Variants in GRK3 observed in about 807,000 individuals in gnomAD.
GRK3 encodes adrenergic, beta, receptor kinase 2.
GRK3 carries 54 observed loss-of-function variants against 95.7 expected under a neutral mutation model. The observed-to-expected ratio is 0.56, with a 90% CI of 0.45 to 0.71. The LOEUF is 0.71. Among genes scored for constraint, GRK3 ranks in the 30% least tolerant of loss-of-function variants. The pLI, the probability that GRK3 is intolerant of heterozygous loss-of-function variation, is 0.00. For synonymous variants in GRK3, 281 were observed against 290.8 expected, an observed-to-expected ratio of 0.97 and a Z score of 0.34; for missense variants, 649 against 851.2, an observed-to-expected ratio of 0.76 and a Z score of 2.96.
intron 3 of GRK3, among the ~76,000 whole-genome samples, chr22:25,657,222 TATG>T (rs1181436129): frequency 5.3e-5 from 8 of 152,234 alleles, no homozygotes; most frequent in African/African-American, 1.9e-4. Flanking sequence ...AGGTAGTTGA[TATG>T]ATACCTTCTA....
chr22:25,686,049 G>A (rs549983580), intron 10 of GRK3, among the ~76,000 whole-genome samples: 18 of 151,594 alleles, frequency 1.2e-4, no homozygotes, highest in African/African-American at 4.1e-4. Context: ...GTGAAACCCC[G>A]TCCCTACTAA....
intron 1 of GRK3, among the ~76,000 whole-genome samples, chr22:25,569,266 A>G (rs1931600585): frequency 6.6e-6 from 1 of 152,206 alleles, no homozygotes; most frequent in Non-Finnish European, 1.5e-5. Context: ...TTAAGGTACA[A>G]ATTCAAAATG....
intron 7 of GRK3, among the ~76,000 whole-genome samples, chr22:25,673,155 G>A (rs904176551): frequency 8.1e-5 from 12 of 148,544 alleles, no homozygotes; most frequent in Admixed American, 4.1e-4. Flanking sequence ...TCCGCCTCCC[G>A]GGTTCACACC....
intron 13 of GRK3, among the ~76,000 whole-genome samples, chr22:25,699,242 G>A (rs1347098633): frequency 6.6e-6 from 1 of 152,122 alleles, no homozygotes; most frequent in Non-Finnish European, 1.5e-5. Flanking sequence ...TTCCTGTGTT[G>A]TATAGAAGGG....
At chr22:25,623,753 G>A (rs1569168277) in intron 2 of GRK3, among the ~76,000 whole-genome samples, 1 of 152,050 alleles carries the variant, frequency 6.6e-6, no homozygotes, top group Non-Finnish European at 1.5e-5. Flanking sequence ...CTGAAGCCTC[G>A]CTGATGCCTT....
chr22:25,647,101 T>C (rs967345191), intron 3 of GRK3, among the ~76,000 whole-genome samples: 3 of 148,452 alleles, frequency 2.0e-5, no homozygotes, highest in African/African-American at 5.0e-5. Flanking sequence ...ATTGCCAGCC[T>C]AGAATTCTAT....
At chr22:25,635,473 G>A (rs938027397) in intron 2 of GRK3, among the ~76,000 whole-genome samples, 2 of 152,132 alleles carry the variant, frequency 1.3e-5, no homozygotes, top group Admixed American at 6.5e-5. Context: ...TCCCCAAAAT[G>A]TTCTTTTTTG....
intron 3 of GRK3, among the ~76,000 whole-genome samples, chr22:25,653,392 A>G (rs1177141876): frequency 1.3e-5 from 2 of 152,262 alleles, no homozygotes; most frequent in African/African-American, 4.8e-5. Context: ...CAGGCAAACT[A>G]TGCAATAATG....
At chr22:25,637,585 T>C (rs963260633) in intron 2 of GRK3, among the ~76,000 whole-genome samples, 1 of 152,222 alleles carries the variant, frequency 6.6e-6, no homozygotes, top group Non-Finnish European at 1.5e-5. Flanking sequence ...TAAGTTTTCA[T>C]TGGATAAGTA....
rs1238923032 is a variant in GRK3 at position 25,649,280 on chromosome 22, G to A, written c.264+4615G>A. The A allele has an allele frequency of 3.3e-6, 3 of 916,194 alleles. No homozygotes were observed. In the East Asian group the frequency reaches 7.2e-5, roughly 22 times the overall value. 56.8% of individuals were successfully genotyped at this position (916,194 alleles called of 1,614,324 possible). On this transcript the variant is annotated intron_variant, in intron 3 of 20. Transcript: ENST00000324198. ...ATGCTCACATCTGCCAAAATGTGAA[G>A]AACCTGTATAGAATTTCTACAGGGA...
At chr22:25,692,815 CTT>C (rs1218229576) in intron 12 of GRK3, among the ~76,000 whole-genome samples, 2 of 152,232 alleles carry the variant, frequency 1.3e-5, no homozygotes, top group Non-Finnish European at 2.9e-5. Context: ...AGCCTGTACT[CTT>C]TACGCTGTGT....
At chr22:25,565,496 C>T (rs1421908311) in intron 1 of GRK3, among the ~76,000 whole-genome samples, 1 of 152,268 alleles carries the variant, frequency 6.6e-6, no homozygotes, top group East Asian at 1.9e-4. Flanking sequence ...GTCCCATCCC[C>T]GTGGTTCTTC....
chr22:25,704,367 C>T (rs117148785), intron 15 of GRK3, among the ~76,000 whole-genome samples, 158 bp downstream of exon 15: 1 of 152,152 alleles, frequency 6.6e-6, no homozygotes, highest in East Asian at 1.9e-4. Context: ...AAATATTGTC[C>T]TATGTGTTTT....
rs1382328522 is a variant in GRK3 at position 25,727,368 on chromosome 22, G to A, written c.*4918G>A. 1 of 152,014 alleles carries A rather than the reference G, an allele frequency of 6.6e-6. No homozygotes were observed. Among genetic ancestry groups the A allele is most frequent in the East Asian group, 1.9e-4 (1 of 5,192 alleles). The allele number at this position is 152,014 out of a possible 1,614,324, so 9.4% of individuals were successfully genotyped here. On this transcript the variant is annotated 3_prime_UTR_variant, in exon 21 of 21. Coordinates refer to ENST00000324198, the MANE Select transcript of GRK3 (RefSeq NM_005160.4). Reference sequence around the variant, plus strand: ...AAATGGTACTCCTTGGCTTCCTCAAGTCACAATGAACTTTATATTTTCTTT... The same window carrying A: ...AAATGGTACTCCTTGGCTTCCTCAAATCACAATGAACTTTATATTTTCTTT...
intron 15 of GRK3, among the ~76,000 whole-genome samples, chr22:25,707,354 TC>T (rs2085307929): frequency 6.6e-6 from 1 of 152,230 alleles, no homozygotes; most frequent in African/African-American, 2.4e-5. Context: ...CCGAAGTGTT[TC>T]CAGTAAAAAT....
chr22:25,614,010 A>G (rs1051940854), intron 2 of GRK3, among the ~76,000 whole-genome samples: 1 of 152,190 alleles, frequency 6.6e-6, no homozygotes, highest in Non-Finnish European at 1.5e-5. Context: ...CCCACCCAAA[A>G]AAAAATTCAG....
chr22:25,628,861 T>A (rs544287027), intron 2 of GRK3, among the ~76,000 whole-genome samples: 1 of 152,206 alleles, frequency 6.6e-6, no homozygotes, highest in African/African-American at 2.4e-5. Flanking sequence ...GGGAGTCCCT[T>A]GCAGAGAGCT....
chr22:25,565,968 G>C (rs1287421896), intron 1 of GRK3, among the ~76,000 whole-genome samples: 1 of 152,084 alleles, frequency 6.6e-6, no homozygotes, highest in Non-Finnish European at 1.5e-5. Context: ...CGAGGGGCTC[G>C]GTGAGGTGCA....
At chr22:25,706,167 G>A (rs1474826110) in intron 15 of GRK3, among the ~76,000 whole-genome samples, 3 of 152,144 alleles carry the variant, frequency 2.0e-5, no homozygotes, top group East Asian at 1.9e-4. Flanking sequence ...CAACCCTTTC[G>A]TTGATTTCTT....
Sources: allele counts gnomAD v4.1 joint callset (sites outside exome capture counted in the v4.1 genomes callset), GRCh38; gene constraint gnomAD v4.1.1; transcripts MANE v1.5; gene names NCBI Gene and HGNC (gene_info 2026-07-23, HGNC 2026-07-21).